Variants in DST observed in about 807,000 individuals in gnomAD.
DST encodes the protein bullous pemphigoid antigen.
In DST, 253 loss-of-function variants were observed where a neutral mutation model predicts 875.2. The observed-to-expected ratio is 0.29, with a 90% confidence interval of 0.26 to 0.32. DST has a LOEUF of 0.32. Ranked by LOEUF, DST falls within the 10% of genes least tolerant of loss-of-function variation. The probability of loss-of-function intolerance (pLI) is 1.00; values close to 1 mark genes in which losing one functional copy is unlikely to be tolerated. For synonymous variants in DST, 3,124 were observed against 3,197.1 expected, an observed-to-expected ratio of 0.98 and a Z score of 0.77; for missense variants, 8,287 against 9,111.6, an observed-to-expected ratio of 0.91 and a Z score of 3.68.
intron 5 of DST, among the ~76,000 whole-genome samples, chr6:56,728,768 C>T (rs1158187636): frequency 1.3e-5 from 2 of 151,948 alleles, no homozygotes; most frequent in South Asian, 2.1e-4. Flanking sequence ...TCCTTGCCCT[C>T]GGGGAAGAGA....
intron 9 of DST, among the ~76,000 whole-genome samples, chr6:56,679,345 T>C (rs2099145867): frequency 6.6e-6 from 1 of 152,056 alleles, no homozygotes; most frequent in Admixed American, 6.6e-5. Context: ...CATACCACCA[T>C]GTGGACTCCT....
intron 55 of DST, among the ~76,000 whole-genome samples, chr6:56,563,667 G>C (rs1347652120): frequency 6.6e-6 from 1 of 152,170 alleles, no homozygotes; most frequent in Admixed American, 6.5e-5. Context: ...CCTATGTCCT[G>C]AATGGTATTT....
intron 4 of DST, among the ~76,000 whole-genome samples, chr6:56,811,791 G>T (rs1280836034): frequency 8.6e-5 from 13 of 152,012 alleles, no homozygotes; most frequent in Non-Finnish European, 1.5e-5. Flanking sequence ...AGAAATATAA[G>T]TTCCTTGATA....
At chr6:56,785,437 C>G (rs1428946322) in intron 4 of DST, among the ~76,000 whole-genome samples, 2 of 152,150 alleles carry the variant, frequency 1.3e-5, no homozygotes, top group Admixed American at 6.5e-5. Context: ...CCGCCAGCCT[C>G]GCTGCCGCCT....
At chr6:56,579,487 C>G (rs1237923233) in intron 49 of DST, among the ~76,000 whole-genome samples, 3 of 152,076 alleles carry the variant, frequency 2.0e-5, no homozygotes, top group Non-Finnish European at 4.4e-5. Flanking sequence ...AGCTTACTTT[C>G]AGGGATTTTA....
intron 4 of DST, among the ~76,000 whole-genome samples, chr6:56,764,220 T>C (rs901198890): frequency 6.6e-6 from 1 of 152,086 alleles, no homozygotes; most frequent in Non-Finnish European, 1.5e-5. Context: ...TCCCAGTTTT[T>C]CTATGCTCCC....
chr6:56,738,601 TGAGACACC>T (rs904716227), intron 4 of DST, among the ~76,000 whole-genome samples: 28 of 152,218 alleles, frequency 1.8e-4, no homozygotes, highest in African/African-American at 6.0e-4. Flanking sequence ...ATTACAGGCG[TGAGACACC>T]GAGTCTGGCC....
At chr6:56,643,686 C>T (rs553757436) in intron 15 of DST, among the ~76,000 whole-genome samples, 1 of 152,140 alleles carries the variant, frequency 6.6e-6, no homozygotes, top group African/African-American at 2.4e-5. Flanking sequence ...ATTTTCCTAC[C>T]TCCAATAATA....
At chr6:56,630,440 T>C in intron 30 of DST, 57 bp from the exon 31 acceptor site, 1 of 1,483,674 alleles carries the variant, frequency 6.7e-7, no homozygotes, top group South Asian at 1.1e-5. Flanking sequence ...TTTTGCATAA[T>C]GTAGTCCTGA....
chr6:56,535,357 A>G (rs1159128957), intron 62 of DST, 65 bp from the exon 63 acceptor site: 1 of 1,478,570 alleles, frequency 6.8e-7, no homozygotes, highest in African/African-American at 1.5e-5. Flanking sequence ...CTGAGCACAA[A>G]TCACTATTTT....
intron 82 of DST, among the ~76,000 whole-genome samples, chr6:56,495,435 T>A (rs1007645001): frequency 1.3e-5 from 2 of 151,986 alleles, no homozygotes; most frequent in Non-Finnish European, 2.9e-5. Context: ...AAAAGTAAAG[T>A]ATTCTTAAAG....
chr6:56,934,559 AT>A (rs1554267210), intron 2 of DST, among the ~76,000 whole-genome samples: 6 of 67,218 alleles, frequency 8.9e-5, no homozygotes, highest in African/African-American at 2.6e-4. Context: ...TATATATTAT[AT>A]TATATATATA....
At chr6:56,636,255 TACACACACACACAAAC>T (rs1195600654) in intron 23 of DST, among the ~76,000 whole-genome samples, 1 of 147,780 alleles carries the variant, frequency 6.8e-6, no homozygotes, top group Non-Finnish European at 1.5e-5. Context: ...TATATATATA[TACACACACACACAAAC>T]ACACACACAC....
intron 61 of DST, among the ~76,000 whole-genome samples, chr6:56,539,431 T>C (rs955816927): frequency 6.6e-6 from 1 of 152,202 alleles, no homozygotes; most frequent in Non-Finnish European, 1.5e-5. Flanking sequence ...AACAATTATT[T>C]CACAGACTGA....
chr6:56,892,125 C>G (rs7752138), intron 3 of DST, among the ~76,000 whole-genome samples: 2,850 of 152,260 alleles, frequency 0.019, 93 homozygotes, highest in African/African-American at 0.064. Flanking sequence ...CACTACTCAC[C>G]TATTACAGTG....
At chr6:56,589,769 TATCAGATTGTTGACAAC>T (rs1309033703) in intron 49 of DST, among the ~76,000 whole-genome samples, 1 of 152,238 alleles carries the variant, frequency 6.6e-6, no homozygotes, top group Non-Finnish European at 1.5e-5. Flanking sequence ...GGCCTAGTAG[TATCAGATTGTTGACAAC>T]ACAGTTCACA....
At chr6:56,871,296 AC>A in intron 3 of DST, 1 of 797,398 alleles carries the variant, frequency 1.3e-6, no homozygotes, top group Non-Finnish European at 2.3e-6. Context: ...TGCCCAGGAC[AC>A]CAAGGGTATG....
At chr6:56,710,077 A>T (rs1404586173) in intron 5 of DST, among the ~76,000 whole-genome samples, 1 of 152,236 alleles carries the variant, frequency 6.6e-6, no homozygotes, top group Admixed American at 6.5e-5. Flanking sequence ...GAATGAGGCC[A>T]TAATATCTCT....
intron 33 of DST, 151 bp from the exon 34 acceptor site, chr6:56,627,438 T>G (rs2098744851): frequency 1.4e-6 from 1 of 694,000 alleles, no homozygotes; most frequent in South Asian, 1.6e-5. Context: ...TATGGGAAAA[T>G]TACAAACTTT....
Sources: allele counts gnomAD v4.1 joint callset (sites outside exome capture counted in the v4.1 genomes callset), GRCh38; gene constraint gnomAD v4.1.1; transcripts MANE v1.5; gene names NCBI Gene and HGNC (gene_info 2026-07-23, HGNC 2026-07-21).